Variants in KIRREL3 observed in about 807,000 individuals in gnomAD.
KIRREL3 encodes kin of IRRE-like protein 3.
KIRREL3 carries 36 observed loss-of-function variants against 89.7 expected under a neutral mutation model. The ratio of observed to expected loss-of-function variants is 0.40; its 90% CI spans 0.31 to 0.53. KIRREL3 has a LOEUF of 0.53. Ranked by LOEUF, KIRREL3 falls within the 20% of genes least tolerant of loss-of-function variation. The pLI is 0.49. For synonymous variants in KIRREL3, 445 were observed against 441.4 expected (o/e 1.01, Z -0.10); for missense variants, 864 against 1,056.6 (o/e 0.82, Z 2.53).
At chr11:126,712,741 G>C (rs1228823763) in intron 1 of KIRREL3, among the ~76,000 whole-genome samples, 1 of 152,188 alleles carries the variant, frequency 6.6e-6, no homozygotes, top group Admixed American at 6.5e-5. Context: ...GCTACCAGCA[G>C]AGAAAAGTAG....
chr11:126,503,119 C>T (rs995670373), intron 4 of KIRREL3, among the ~76,000 whole-genome samples: 4 of 152,168 alleles, frequency 2.6e-5, no homozygotes, highest in African/African-American at 9.7e-5. Context: ...ATAAGATTGC[C>T]ACACAGATAG....
chr11:126,688,314 A>G (rs1050740967), intron 1 of KIRREL3, among the ~76,000 whole-genome samples: 4 of 152,230 alleles, frequency 2.6e-5, no homozygotes, highest in East Asian at 1.9e-4. Context: ...ATTGATTGCA[A>G]ATAAGTTGTT....
In KIRREL3 at chr11:126,694,688, C is replaced by T. The variant is rs1455694764; in HGVS notation, c.56-131776G>A. Among the ~76,000 whole-genome samples, 1 of 152,164 alleles carries T rather than the reference C, an allele frequency of 6.6e-6. No homozygotes were observed. The highest frequency in any genetic ancestry group is 2.4e-5 in the African/African-American group (1 of 41,428). ...AGGGCAGGTACTGACTTCTATGAGC[C>T]ACCTTTTTTAAAAAAAATTCTCTAC... On this transcript the variant is annotated intron_variant, in intron 1 of 16. Coordinates refer to ENST00000525144, the MANE Select transcript of KIRREL3 (RefSeq NM_032531.4). This position sits in a 1 kb window ranked among gnomAD's most constrained non-coding sequence, Gnocchi z 4.4.
intron 1 of KIRREL3, among the ~76,000 whole-genome samples, chr11:126,949,406 C>T (rs976854862): frequency 1.3e-5 from 2 of 152,156 alleles, no homozygotes; most frequent in Non-Finnish European, 2.9e-5. Context: ...TGGACCCTCG[C>T]ATCCTTTCCA....
At chr11:126,893,568 G>A (rs1253245681) in intron 1 of KIRREL3, among the ~76,000 whole-genome samples, 1 of 152,196 alleles carries the variant, frequency 6.6e-6, no homozygotes, top group Non-Finnish European at 1.5e-5. Context: ...TGAAGGTCTA[G>A]AAGTTTTAGA....
chr11:126,968,721 G>T (rs535943429), intron 1 of KIRREL3, among the ~76,000 whole-genome samples: 1 of 152,110 alleles, frequency 6.6e-6, no homozygotes, highest in Non-Finnish European at 1.5e-5. Context: ...TTTATAACAC[G>T]GCAGCCCCTT....
In KIRREL3 at chr11:126,522,518, T is replaced by C. The variant is rs1958630017; in HGVS notation, c.284-1054A>G. 6.6e-6 allele frequency among the ~76,000 whole-genome samples: 1 copy of C among 152,088 alleles called. No individual in the cohort carries two copies. Among genetic ancestry groups the C allele is most frequent in the South Asian group, 2.1e-4 (1 of 4,824 alleles). On this transcript the variant is annotated intron_variant, in intron 3 of 16. Coordinates refer to ENST00000525144, the MANE Select transcript of KIRREL3 (RefSeq NM_032531.4). This position sits in a 1 kb window ranked among gnomAD's most constrained non-coding sequence, Gnocchi z 6.0. Reference sequence around the variant, plus strand: ...TGAAGTGCTCAGGACGCTTAAGAATTGGGGGCCCCTTGTACCATGGGCAAT... The same window carrying C: ...TGAAGTGCTCAGGACGCTTAAGAATCGGGGGCCCCTTGTACCATGGGCAAT...
rs1229589309 is a variant in KIRREL3 at position 126,955,086 on chromosome 11, C to G, written c.55+45369G>C. Among the ~76,000 whole-genome samples, 1 of 152,180 alleles carries G rather than the reference C, an allele frequency of 6.6e-6. No homozygotes were observed. Among genetic ancestry groups the G allele is most frequent in the East Asian group, 1.9e-4 (1 of 5,196 alleles). ...TCTGATGATGTTTGTGCCCTGAAGG[C>G]CACATCTGCCTGAGGGGGTACTGCT... On this transcript the variant is annotated intron_variant, in intron 1 of 16. Transcript: ENST00000525144. The surrounding 1 kb of genome is among the most constrained non-coding windows in gnomAD (Gnocchi z 4.6).
rs368185649 is a variant in KIRREL3, at chr11:126,424,742, C to A, written c.2175G>T (p.Thr725=). 6.2e-7 allele frequency: 1 copy of A among 1,614,034 alleles called. No individual in the cohort carries two copies. The highest frequency in any genetic ancestry group is 1.7e-5 in the Admixed American group (1 of 60,032). ...TGCTGCTGACGCTGCTGTCACACTG[C>A]GTGTCCAGGAAGGAGCTGCTGTCGC... The part of the protein sequence containing the change: ...SLSDSSSFLD[T]QCDSSVSSSG... The change falls in exon 17 of 17, where the codon ACG becomes ACT. Residue 725 remains threonine, a synonymous_variant. Coordinates refer to ENST00000525144, the MANE Select transcript of KIRREL3 (RefSeq NM_032531.4).
At chr11:126,801,163 A>T (rs1368809355) in intron 1 of KIRREL3, among the ~76,000 whole-genome samples, 2 of 152,242 alleles carry the variant, frequency 1.3e-5, no homozygotes, top group Non-Finnish European at 2.9e-5. Flanking sequence ...GGAATTAATG[A>T]GAAACTCCAC....
At chr11:126,862,696 C>T (rs1184389863) in intron 1 of KIRREL3, among the ~76,000 whole-genome samples, 6 of 152,222 alleles carry the variant, frequency 3.9e-5, no homozygotes, top group African/African-American at 1.2e-4. Context: ...CTACTCCCAC[C>T]GTCCACCCTA....
chr11:126,978,955 A>G lies in KIRREL3; in HGVS notation c.55+21500T>C, dbSNP rs996809475. On this transcript the variant is annotated intron_variant, in intron 1 of 16. Transcript: ENST00000525144. The surrounding 1 kb of genome is among the most constrained non-coding windows in gnomAD (Gnocchi z 4.2). ...TTTCCCAGTGTGTACTGAGAAAACA[A>G]CAAGGGTTGCCAGAAATGGGAAACA... Among the ~76,000 whole-genome samples the G allele has an allele frequency of 1.1e-4, 16 of 152,236 alleles. No homozygotes were observed. The highest frequency in any genetic ancestry group is 3.9e-4 in the African/African-American group (16 of 41,462).
intron 4 of KIRREL3, among the ~76,000 whole-genome samples, chr11:126,514,639 C>A (rs1958343297): frequency 6.6e-6 from 1 of 152,236 alleles, no homozygotes; most frequent in Non-Finnish European, 1.5e-5. Flanking sequence ...TAAATCCTCT[C>A]TTCAACCCCA....
At chr11:126,815,828 C>T (rs1488561494) in intron 1 of KIRREL3, among the ~76,000 whole-genome samples, 1 of 152,184 alleles carries the variant, frequency 6.6e-6, no homozygotes, top group Non-Finnish European at 1.5e-5. Flanking sequence ...AGCTGCTGTG[C>T]CCGGCCGAGC....
In KIRREL3 at chr11:126,909,755, A is replaced by G. The variant is rs755704949; in HGVS notation, c.55+90700T>C. ...TTTTGCCATCATTGTCTCAGCTTTC[A>G]TGAAAACAGTTGTGCATGAGGCTGA... On this transcript the variant is annotated intron_variant, in intron 1 of 16. Transcript: ENST00000525144. The surrounding 1 kb of genome is among the most constrained non-coding windows in gnomAD (Gnocchi z 4.5). 1.3e-5 allele frequency among the ~76,000 whole-genome samples: 2 copies of G among 152,182 alleles called. No homozygotes were observed. The highest frequency in any genetic ancestry group is 2.4e-5 in the African/African-American group (1 of 41,444).
At position 126,599,543 on chromosome 11, in the gene KIRREL3, A is replaced by G. The variant is rs565842907; in HGVS notation, c.56-36631T>C. 1.2e-3 allele frequency among the ~76,000 whole-genome samples: 190 copies of G among 152,258 alleles called. 1 individual carries two copies. In the Middle Eastern group the frequency reaches 0.024, roughly 19 times the overall value. The stretch of plus-strand genomic sequence containing the variant: ...GGCTGGATCTGAGTCAGAGACATAG[A>G]GGCCCACATAGAAAGTAGGGGCCCA... On this transcript the variant is annotated intron_variant, in intron 1 of 16. Coordinates refer to ENST00000525144, the MANE Select transcript of KIRREL3 (RefSeq NM_032531.4).
Position 126,965,168 on chromosome 11 carries a change from C to CA in KIRREL3, c.55+35286dup, listed in dbSNP as rs1346438849. On this transcript the variant is annotated intron_variant, in intron 1 of 16. Transcript: ENST00000525144. The surrounding 1 kb of genome is among the most constrained non-coding windows in gnomAD (Gnocchi z 4.4). ...GTGAGTTAGGAGCTCTGGGGATGAG[C>CA]AAAGGTCTACAGAACAGTGTCTTAA... Among the ~76,000 whole-genome samples, 1 of 152,166 alleles carries CA rather than the reference C, an allele frequency of 6.6e-6. No homozygotes were observed. Among genetic ancestry groups the CA allele is most frequent in the Non-Finnish European group, 1.5e-5 (1 of 68,030 alleles).
At chr11:126,721,167 C>T (rs1446175537) in intron 1 of KIRREL3, among the ~76,000 whole-genome samples, 2 of 152,172 alleles carry the variant, frequency 1.3e-5, no homozygotes, top group Admixed American at 1.3e-4. Context: ...TTCTGGTGCT[C>T]ATTCGCTTTG....
rs1950014020 is a variant in KIRREL3 at position 126,990,796 on chromosome 11, C to T, written c.55+9659G>A. ...AGCAAGACGCAGAAAAAGTGCAGGT[C>T]CTAGGATTTAGGGAACGCAACCACT... On this transcript the variant is annotated intron_variant, in intron 1 of 16. Coordinates refer to ENST00000525144, the MANE Select transcript of KIRREL3 (RefSeq NM_032531.4). The surrounding 1 kb of genome is among the most constrained non-coding windows in gnomAD (Gnocchi z 6.3). 6.6e-6 allele frequency among the ~76,000 whole-genome samples: 1 copy of T among 152,182 alleles called. No homozygotes were observed. Among genetic ancestry groups the T allele is most frequent in the East Asian group, 1.9e-4 (1 of 5,192 alleles).
Sources: gnomAD v4.1 joint callset for allele counts (sites outside exome capture counted in the v4.1 genomes callset) on GRCh38, gnomAD v4.1.1 for gene constraint, Gnocchi (gnomAD v3.1) non-coding constraint, MANE v1.5 for transcripts, NCBI Gene and HGNC (gene_info 2026-07-23, HGNC 2026-07-21) for gene names.